TOM1L1: variants seen among roughly 807,000 people sequenced by gnomAD.
TOM1L1 encodes TOM1-like protein 1.
A neutral mutation model predicts 63.4 loss-of-function variants in TOM1L1; 64 were observed. The ratio of observed to expected loss-of-function variants is 1.01; its 90% confidence interval spans 0.83 to 1.24. TOM1L1 has a LOEUF of 1.24. Ranked by LOEUF, TOM1L1 falls within the 50% of genes most tolerant of loss-of-function variation. TOM1L1 has a pLI of 0.00. For synonymous variants in TOM1L1, 166 were observed against 194.4 expected, an observed-to-expected ratio of 0.85 and a Z score of 1.22; for missense variants, 536 against 567.0, an observed-to-expected ratio of 0.95 and a Z score of 0.55.
chr17:54,956,817 G>C (rs1414205025), intron 14 of TOM1L1: 4 of 151,870 alleles, frequency 2.6e-5, no homozygotes, highest in Admixed American at 2.6e-4. Context: ...TCCAAAGCAG[G>C]AAAGTGACAG....
In TOM1L1 at chr17:54,900,896, T is replaced by C. The variant is rs774330571; in HGVS notation, c.31T>C (p.Tyr11His). The change falls in exon 1 of 16, where the codon TAC (tyrosine) becomes CAC (histidine). Residue 11 changes from tyrosine (Y) to histidine (H), a missense_variant. Tyr to His is a moderately conservative substitution (Grantham distance 83, BLOSUM62 2). Coordinates refer to ENST00000575882, the MANE Select transcript of TOM1L1 (RefSeq NM_005486.3). MAFGKSHRDP[Y>H]ATSVGHLIEK... ...GTTTGGCAAGAGTCACCGGGATCCC[T>C]ACGCGACCTCCGTGGGCCACCTCAT... is the stretch of plus-strand genomic sequence containing the variant. 8.7e-6 allele frequency: 14 copies of C among 1,613,784 alleles called. No homozygotes were observed. Among genetic ancestry groups the C allele is most frequent in the Non-Finnish European group, 1.0e-5 (12 of 1,180,034 alleles).
In TOM1L1 at chr17:54,914,620, C is replaced by A. The variant is rs201807807; in HGVS notation, c.499-19C>A. On this transcript the variant is annotated intron_variant, in intron 5 of 15. Coordinates refer to ENST00000575882, the MANE Select transcript of TOM1L1 (RefSeq NM_005486.3). ...TATGTTAATTCACATAATAATATTA[C>A]CATGTTTCATACTCATAGACTGCTC... 54 of 1,580,444 alleles carry A rather than the reference C, an allele frequency of 3.4e-5. No individual in the cohort carries two copies. In the African/African-American group the frequency reaches 6.9e-4, roughly 20 times the overall value.
intron 15 of TOM1L1, chr17:54,960,998 G>A: frequency 1.8e-6 from 1 of 559,670 alleles, no homozygotes. Flanking sequence ...AAATAGGTCT[G>A]AATTTTTCCT....
chr17:54,925,609 A>G (rs1284222288), intron 7 of TOM1L1, among the ~76,000 whole-genome samples: 1 of 152,200 alleles, frequency 6.6e-6, no homozygotes, highest in Non-Finnish European at 1.5e-5. Flanking sequence ...AGTTTATTAT[A>G]AAACCATCCT....
intron 7 of TOM1L1, among the ~76,000 whole-genome samples, chr17:54,925,701 C>T (rs1007087707): frequency 2.6e-5 from 4 of 152,140 alleles, no homozygotes; most frequent in Non-Finnish European, 5.9e-5. Flanking sequence ...GTCAGGAGTT[C>T]GAGACCAGCC....
At chr17:54,951,416 C>A (rs772178090) in intron 14 of TOM1L1, among the ~76,000 whole-genome samples, 4 of 152,176 alleles carry the variant, frequency 2.6e-5, no homozygotes, top group Admixed American at 6.5e-5. Context: ...TTCCTTCCCC[C>A]AGGGTATAGG....
chr17:54,938,161 G>A (rs193034999), intron 10 of TOM1L1: 1 of 152,186 alleles, frequency 6.6e-6, no homozygotes, highest in Non-Finnish European at 1.5e-5. Flanking sequence ...ATTTTCAGAG[G>A]GGGAGGGAAT....
chr17:54,961,590 A>G lies in TOM1L1; in HGVS notation c.*357A>G. ...TGTGATAAGAGTAGATTATTTTACTATGAAATAATTCTGAATAGATGAAAG... is the reference window on the plus strand; with the variant it reads ...TGTGATAAGAGTAGATTATTTTACTGTGAAATAATTCTGAATAGATGAAAG... On this transcript the variant is annotated 3_prime_UTR_variant, in exon 16 of 16. Coordinates refer to ENST00000575882, the MANE Select transcript of TOM1L1 (RefSeq NM_005486.3). 8.1e-7 allele frequency: 1 copy of G among 1,233,600 alleles called. No individual in the cohort carries two copies. Among genetic ancestry groups the G allele is most frequent in the Non-Finnish European group, 1.0e-6 (1 of 984,500 alleles). The allele number at this position is 1,233,600 out of a possible 1,614,324, so 76.4% of individuals were successfully genotyped here.
chr17:54,947,103 T>TA (rs1480260219), intron 11 of TOM1L1, among the ~76,000 whole-genome samples, 158 bp from the exon 12 acceptor site: 2 of 152,240 alleles, frequency 1.3e-5, no homozygotes, highest in African/African-American at 4.8e-5. Flanking sequence ...TGATGTGCAC[T>TA]AAAACCAATT....
Position 54,949,597 on chromosome 17 carries a change from T to G in TOM1L1, c.1262T>G (p.Leu421Arg). The G allele has an allele frequency of 6.2e-7, 1 of 1,606,554 alleles. No homozygotes were observed. The highest frequency in any genetic ancestry group is 1.3e-5 in the African/African-American group (1 of 75,026). Residue 421 changes from leucine (L) to arginine (R), a missense_variant, in exon 13 of 16, where the codon CTG becomes CGG. Physicochemically the swap from Leu to Arg is moderately radical, Grantham distance 102 (BLOSUM62 -2). Coordinates refer to ENST00000575882, the MANE Select transcript of TOM1L1 (RefSeq NM_005486.3). ...GCAGCAGCACCATCAAACCAGAGTC[T>G]GCCACCTTTGCCCAGCAATCATCCA... ...TIAAAPSNQSLPPLPSNHPAM... is the reference protein window; with the variant it reads ...TIAAAPSNQSRPPLPSNHPAM...
At position 54,961,559 on chromosome 17, in the gene TOM1L1, C is replaced by G; in HGVS notation, c.*326C>G. 2 of 1,356,786 alleles carry G rather than the reference C, an allele frequency of 1.5e-6. No individual in the cohort carries two copies. Among genetic ancestry groups the G allele is most frequent in the East Asian group, 2.9e-5 (1 of 34,484 alleles). The allele number at this position is 1,356,786 out of a possible 1,614,324, so 84.0% of individuals were successfully genotyped here. A position where few individuals can be genotyped will look rare whatever the true frequency, so the allele number is the denominator to read the frequency against. On this transcript the variant is annotated 3_prime_UTR_variant, in exon 16 of 16. Transcript: ENST00000575882. ...GCCTTCCTACATTTAGAAATCGTCA[C>G]ACAGCTGTGATAAGAGTAGATTATT...
rs9889882 is a variant in TOM1L1 at position 54,930,064 on chromosome 17, C to T, written c.721-9C>T. 19,405 of 1,613,822 alleles carry T rather than the reference C, an allele frequency of 0.012. 1,641 individuals are homozygous for T. The African/African-American group carries it at 0.21, about 17-fold the overall frequency. On this transcript the variant is annotated splice_polypyrimidine_tract_variant and intron_variant, in intron 7 of 15. Coordinates refer to ENST00000575882, the MANE Select transcript of TOM1L1 (RefSeq NM_005486.3). ...GTGGAAGAAGAAATCTCTCTCCTTT[C>T]TTTGACAGAAACTCTATAAAACAGG...
At chr17:54,912,215 T>A (rs2143767851) in intron 3 of TOM1L1, among the ~76,000 whole-genome samples, 1 of 152,294 alleles carries the variant, frequency 6.6e-6, no homozygotes, top group African/African-American at 2.4e-5. Flanking sequence ...CTCTTGCCTA[T>A]AAGGGCCTAT....
intron 6 of TOM1L1, 108 bp from the exon 7 acceptor site, chr17:54,915,638 A>C: frequency 3.2e-6 from 2 of 629,844 alleles, no homozygotes; most frequent in Admixed American, 2.9e-5. Flanking sequence ...GAAAATATTA[A>C]ATTTTGCAAA....
At position 54,949,434 on chromosome 17, in the gene TOM1L1, G is replaced by C. The variant is rs1290567964; in HGVS notation, c.1183-84G>C. On this transcript the variant is annotated intron_variant, in intron 12 of 15. Coordinates refer to ENST00000575882, the MANE Select transcript of TOM1L1 (RefSeq NM_005486.3). The stretch of plus-strand genomic sequence containing the variant: ...TCCAGTTCAAAGTTCTTGGAACAAT[G>C]TACTTGCAAGTGTAGGAGTCTCAGT... 4.1e-6 allele frequency: 4 copies of C among 978,136 alleles called. No homozygotes were observed. In the South Asian group the frequency reaches 5.6e-5, roughly 14 times the overall value. 60.6% of individuals were successfully genotyped at this position (978,136 alleles called of 1,614,324 possible). A position where few individuals can be genotyped will look rare whatever the true frequency, so the allele number is the denominator to read the frequency against.
rs10694555 is a variant in TOM1L1 at position 54,943,441 on chromosome 17, G to GGTGTGTGTGTGT, written c.1131-3792_1131-3781dup. 9.8e-3 allele frequency among the ~76,000 whole-genome samples: 1,315 copies of GGTGTGTGTGTGT among 134,406 alleles called. 23 individuals carry two copies. The highest frequency in any genetic ancestry group is 0.025 in the African/African-American group (883 of 35,204). The allele number at this position is 134,406 out of a possible 152,430, so 88.2% of individuals were successfully genotyped here. A position where few individuals can be genotyped will look rare whatever the true frequency, so the allele number is the denominator to read the frequency against. On this transcript the variant is annotated intron_variant, in intron 11 of 15. Coordinates refer to ENST00000575882, the MANE Select transcript of TOM1L1 (RefSeq NM_005486.3). ...GATTTTGACTGTATCTTTGTATAAT[G>GGTGTGTGTGTGT]GTGTGTGTGTGTGTGTGTGTGTGTG...
intron 6 of TOM1L1, 40 bp downstream of exon 6, chr17:54,914,783 C>G (rs1182513364): frequency 6.6e-7 from 1 of 1,507,940 alleles, no homozygotes; most frequent in Non-Finnish European, 9.2e-7. Flanking sequence ...ATGTCTTTTC[C>G]TGATTTGTAA....
chr17:54,958,701 G>A (rs1273393588), intron 14 of TOM1L1, among the ~76,000 whole-genome samples: 3 of 132,460 alleles, frequency 2.3e-5, no homozygotes, highest in African/African-American at 8.4e-5. Flanking sequence ...TTGCACTCTA[G>A]CGTGGGCAAC....
rs2048312693 is a variant in TOM1L1 at position 54,900,881 on chromosome 17, A to G, written c.16A>G (p.Ser6Gly). 3 of 1,613,768 alleles carry G rather than the reference A, an allele frequency of 1.9e-6. No individual in the cohort carries two copies. Among genetic ancestry groups the G allele is most frequent in the East Asian group, 4.5e-5 (2 of 44,864 alleles). Residue 6 changes from serine (S) to glycine (G), a missense_variant, in exon 1 of 16, where the codon AGT (serine) becomes GGT (glycine). By Grantham distance (56) the Ser-to-Gly change is moderately conservative. Transcript: ENST00000575882. ...TGGCGCTACCATGGCGTTTGGCAAG[A>G]GTCACCGGGATCCCTACGCGACCTC... MAFGK[S>G]HRDPYATSVG...
Sources: allele counts gnomAD v4.1 joint callset (sites outside exome capture counted in the v4.1 genomes callset), GRCh38; gene constraint gnomAD v4.1.1; transcripts MANE v1.5; gene names NCBI Gene and HGNC (gene_info 2026-07-23, HGNC 2026-07-21).